Variants in PACS2 observed in about 807,000 individuals in gnomAD.
The protein encoded by PACS2 is phosphofurin acidic cluster sorting protein 2, also known as PACS1-like protein.
Under a neutral mutation model 113.0 loss-of-function variants are expected in PACS2, and 36 were observed. The observed-to-expected ratio is 0.32, with a 90% CI of 0.24 to 0.42. PACS2 has a LOEUF of 0.42. PACS2 is among the 10% of genes least tolerant of loss of function. The pLI, the probability that PACS2 is intolerant of heterozygous loss-of-function variation, is 1.00. For missense variants in PACS2, 1,015 were observed against 1,239.5 expected (o/e 0.82, Z 2.72); for synonymous variants, 589 against 536.1 (o/e 1.10, Z -1.36).
chr14:105,349,138 G>T (rs1322212595), intron 2 of PACS2, among the ~76,000 whole-genome samples: 1 of 152,196 alleles, frequency 6.6e-6, no homozygotes, highest in Non-Finnish European at 1.5e-5. Context: ...CCTTGGGGTA[G>T]AGCTGCCATG....
At chr14:105,390,871 CG>C (rs2081332691) in intron 20 of PACS2, 2 of 392,984 alleles carry the variant, frequency 5.1e-6, no homozygotes, top group African/African-American at 2.0e-5. Flanking sequence ...CTGCCAGGTC[CG>C]GGGCCTATCC....
chr14:105,316,032 C>A (rs1222297064), intron 1 of PACS2, among the ~76,000 whole-genome samples: 1 of 152,208 alleles, frequency 6.6e-6, no homozygotes, highest in Non-Finnish European at 1.5e-5. Flanking sequence ...GCAGGTGGGC[C>A]TCTCCGTGCT....
In PACS2 at chr14:105,354,784, C is replaced by T. The variant is rs946610160; in HGVS notation, c.298-268C>T. 2.6e-5 allele frequency among the ~76,000 whole-genome samples: 4 copies of T among 152,262 alleles called. No individual in the cohort carries two copies. Among genetic ancestry groups the T allele is most frequent in the Admixed American group, 2.6e-4 (4 of 15,288 alleles). On this transcript the variant is annotated intron_variant, in intron 3 of 24. Transcript: ENST00000447393. This position sits in a 1 kb window ranked among gnomAD's most constrained non-coding sequence, Gnocchi z 4.2. ...CACTGCAGCACATAGTCCTTGTCCA[C>T]CTGCCATGGCTGTTAGCGTGGCGCG...
At chr14:105,373,890 T>C (rs2061249002) in intron 8 of PACS2, among the ~76,000 whole-genome samples, 1 of 152,100 alleles carries the variant, frequency 6.6e-6, no homozygotes, top group Non-Finnish European at 1.5e-5. Flanking sequence ...CCCAGCACTT[T>C]GGGATTAGTG....
chr14:105,309,367 A>C lies in PACS2; in HGVS notation c.-83+8388A>C, dbSNP rs1241438649. On this transcript the variant is annotated intron_variant, in intron 1 of 23. Coordinates refer to the PACS2 transcript ENST00000430725. This position sits in a 1 kb window ranked among gnomAD's most constrained non-coding sequence, Gnocchi z 4.0. ...CAATCACATATCTGAGAATTTCCCCATGTTGCTAAAACTGAGGCAGCGTTC... is the reference window on the plus strand; with the variant it reads ...CAATCACATATCTGAGAATTTCCCCCTGTTGCTAAAACTGAGGCAGCGTTC... Among the ~76,000 whole-genome samples the C allele has an allele frequency of 2.0e-5, 3 of 152,134 alleles. No homozygotes were observed. Among genetic ancestry groups the C allele is most frequent in the Admixed American group, 2.0e-4 (3 of 15,284 alleles).
Position 105,376,850 on chromosome 14 carries a change from T to C in PACS2, c.884T>C (p.Met295Thr). Residue 295 changes from methionine to threonine, a missense_variant, in exon 9 of 25, where the codon ATG (methionine) becomes ACG (threonine). Coordinates refer to ENST00000447393, the MANE Select transcript of PACS2 (RefSeq NM_001100913.3). This position sits in a 1 kb window ranked among gnomAD's most constrained non-coding sequence, Gnocchi z 4.7. Reference sequence around the variant, plus strand: ...GACCTCCTGTATGACACCCTGGACATGGAGCACCCCAGCGACAGCGGCCCC... The same window carrying C: ...GACCTCCTGTATGACACCCTGGACACGGAGCACCCCAGCGACAGCGGCCCC... Reference protein sequence around the residue: ...DLDLLYDTLDMEHPSDSGPDM... With the variant: ...DLDLLYDTLDTEHPSDSGPDM... 2.5e-6 allele frequency: 4 copies of C among 1,613,170 alleles called. No individual in the cohort carries two copies. Among genetic ancestry groups the C allele is most frequent in the Non-Finnish European group, 3.4e-6 (4 of 1,179,884 alleles).
chr14:105,375,324 A>G (rs1228393545), intron 8 of PACS2, among the ~76,000 whole-genome samples: 1 of 152,016 alleles, frequency 6.6e-6, no homozygotes, highest in Non-Finnish European at 1.5e-5. Flanking sequence ...CTAAAAATAC[A>G]AAAAGTAGCC....
At position 105,331,416 on chromosome 14, in the gene PACS2, T is replaced by C. The variant is rs587650534; in HGVS notation, c.119+16379T>C. ...AAATTAAGGAAGGATCAAGACTGAT[T>C]GAATTTATTTGTATTTTTGAGACAG... On this transcript the variant is annotated intron_variant, in intron 1 of 24. Transcript: ENST00000447393. Among the ~76,000 whole-genome samples, 3 of 152,292 alleles carry C rather than the reference T, an allele frequency of 2.0e-5. No homozygotes were observed. In the South Asian group the frequency reaches 6.2e-4, roughly 32 times the overall value.
At chr14:105,325,161 T>G (rs2059051810) in intron 1 of PACS2, among the ~76,000 whole-genome samples, 1 of 45,034 alleles carries the variant, frequency 2.2e-5, no homozygotes, top group Admixed American at 2.5e-4. Flanking sequence ...CGTCGTAGGG[T>G]GGTGGGACGG....
In PACS2 at chr14:105,355,207, C is replaced by G; in HGVS notation, c.423+30C>G. The G allele has an allele frequency of 1.2e-6, 2 of 1,602,168 alleles. No individual in the cohort carries two copies. The highest frequency in any genetic ancestry group is 1.7e-6 in the Non-Finnish European group (2 of 1,174,060). On this transcript the variant is annotated intron_variant, in intron 4 of 24. Coordinates refer to ENST00000447393, the MANE Select transcript of PACS2 (RefSeq NM_001100913.3). This position sits in a 1 kb window ranked among gnomAD's most constrained non-coding sequence, Gnocchi z 4.1. ...GTGCTCCGTCTGGCGTGGCCTGCGT[C>G]GGGCTGGCCACCTGGGTGCCAGAGC...
intron 2 of PACS2, among the ~76,000 whole-genome samples, chr14:105,350,500 G>A (rs112108019): frequency 6.6e-6 from 1 of 152,006 alleles, no homozygotes; most frequent in East Asian, 1.9e-4. Context: ...TCTGTGTAGC[G>A]CATGGACTGG....
intron 1 of PACS2, among the ~76,000 whole-genome samples, chr14:105,322,176 T>C (rs1424103963): frequency 6.6e-6 from 1 of 151,794 alleles, no homozygotes; most frequent in Non-Finnish European, 1.5e-5. Flanking sequence ...GACCTCGTGA[T>C]CCGCCCGCCT....
intron 8 of PACS2, chr14:105,370,471 G>C (rs1407267101): frequency 6.6e-6 from 1 of 152,156 alleles, no homozygotes; most frequent in Non-Finnish European, 1.5e-5. Context: ...CCAGCACTTT[G>C]GGAGGCCAAG....
chr14:105,337,598 C>T (rs944650920), intron 1 of PACS2, among the ~76,000 whole-genome samples: 5 of 152,220 alleles, frequency 3.3e-5, no homozygotes, highest in African/African-American at 9.6e-5. Flanking sequence ...TGGCTGAGCC[C>T]GTGGCTATGC....
At chr14:105,345,620 A>G (rs1460378894) in intron 1 of PACS2, among the ~76,000 whole-genome samples, 1 of 152,138 alleles carries the variant, frequency 6.6e-6, no homozygotes, top group Non-Finnish European at 1.5e-5. Context: ...TTAGTTTCCC[A>G]AGCATCCCAA....
intron 1 of PACS2, among the ~76,000 whole-genome samples, chr14:105,304,247 T>C (rs929420228): frequency 1.3e-5 from 2 of 152,084 alleles, no homozygotes; most frequent in Non-Finnish European, 2.9e-5. Flanking sequence ...ATCCCAGCAC[T>C]TTGGGAGGCT....
intron 4 of PACS2, among the ~76,000 whole-genome samples, 192 bp from the exon 5 acceptor site, chr14:105,367,021 C>T (rs995195378): frequency 1.4e-4 from 21 of 152,184 alleles, no homozygotes; most frequent in Admixed American, 7.9e-4. Context: ...GTCCTCCTCT[C>T]GTATCTGTCC....
intron 11 of PACS2, 31 bp downstream of exon 11, chr14:105,380,185 C>T (rs1595146116): frequency 6.5e-7 from 1 of 1,528,824 alleles, no homozygotes; most frequent in Non-Finnish European, 8.9e-7. Flanking sequence ...CCCACCCGTT[C>T]CACACATCAG....
At position 105,357,402 on chromosome 14, in the gene PACS2, G is replaced by A. The variant is rs1467001713; in HGVS notation, c.423+2225G>A. Among the ~76,000 whole-genome samples the A allele has an allele frequency of 3.9e-5, 6 of 152,020 alleles. No individual in the cohort carries two copies. Among genetic ancestry groups the A allele is most frequent in the African/African-American group, 1.2e-4 (5 of 41,384 alleles). ...CTGAGCCTGTGGCCCCCACCCCAAG[G>A]CTCCCTCGCCCTGCACCTGTGGCTT... On this transcript the variant is annotated intron_variant, in intron 4 of 24. Coordinates refer to ENST00000447393, the MANE Select transcript of PACS2 (RefSeq NM_001100913.3). The surrounding 1 kb of genome is among the most constrained non-coding windows in gnomAD (Gnocchi z 5.1).
Sources: allele counts gnomAD v4.1 joint callset (sites outside exome capture counted in the v4.1 genomes callset), GRCh38; gene constraint gnomAD v4.1.1; non-coding constraint Gnocchi (gnomAD v3.1); transcripts MANE v1.5; gene names NCBI Gene and HGNC (gene_info 2026-07-23, HGNC 2026-07-21).